Variants in HAUS8 observed in about 807,000 individuals in gnomAD.
HAUS8 encodes HAUS augmin like complex subunit 8.
In HAUS8, 38 loss-of-function variants were observed where a neutral mutation model predicts 42.9. The ratio of observed to expected loss-of-function variants is 0.89; its 90% confidence interval spans 0.68 to 1.16. The LOEUF (loss-of-function observed/expected upper bound fraction) is 1.16, where lower values mean the gene tolerates loss of function less well. Ranked by LOEUF, HAUS8 falls within the 50% of genes most tolerant of loss-of-function variation. The pLI is 0.00. For synonymous variants in HAUS8, 199 were observed against 205.8 expected (o/e 0.97, Z 0.28); for missense variants, 494 against 511.6 (o/e 0.97, Z 0.33).
In HAUS8 at chr19:17,058,558, C is replaced by T. The variant is rs767928687; in HGVS notation, c.636G>A (p.Leu212=). 35 of 1,598,582 alleles carry T rather than the reference C, an allele frequency of 2.2e-5. No homozygotes were observed. The highest frequency in any genetic ancestry group is 2.9e-5 in the Non-Finnish European group (34 of 1,174,754). ...SQRKRELADV[L]DAQIEMLSPF... is the part of the protein sequence containing the mutation. ...GTCACTTACAACTGACCTGGGCATC[C>T]AGGACATCTGCCAGCTCCCGCTTCC... is the stretch of plus-strand genomic sequence containing the variant. The change falls in exon 8 of 11, where the codon CTG becomes CTA. Residue 212 remains leucine (L), a synonymous_variant. Transcript: ENST00000253669.
chr19:17,064,134 G>A (rs1273990192), intron 3 of HAUS8, among the ~76,000 whole-genome samples: 3 of 152,074 alleles, frequency 2.0e-5, no homozygotes, highest in Non-Finnish European at 4.4e-5. Flanking sequence ...TTAAAATAGA[G>A]TACCATATAC....
At chr19:17,066,687 T>A (rs2057388867) in intron 3 of HAUS8, among the ~76,000 whole-genome samples, 1 of 152,206 alleles carries the variant, frequency 6.6e-6, no homozygotes, top group Non-Finnish European at 1.5e-5. Flanking sequence ...CTGTGTTGAC[T>A]GTTGTTGAGT....
Position 17,050,145 on chromosome 19 carries a change from C to G in HAUS8, c.961G>C (p.Glu321Gln). The G allele has an allele frequency of 2.6e-6, 4 of 1,540,718 alleles. No individual in the cohort carries two copies. The highest frequency in any genetic ancestry group is 3.5e-6 in the Non-Finnish European group (4 of 1,143,030). Residue 321 changes from glutamate (E) to glutamine (Q), a missense_variant, in exon 11 of 11, where the codon GAG becomes CAG. Coordinates refer to ENST00000253669, the MANE Select transcript of HAUS8 (RefSeq NM_033417.2). Reference sequence around the variant, plus strand: ...GCCAAGGCTGCCTCTTTGCTTGCCTCTGCGGAGAGTTCCAGCACCTGGGCA... The same window carrying G: ...GCCAAGGCTGCCTCTTTGCTTGCCTGTGCGGAGAGTTCCAGCACCTGGGCA... Reference protein sequence around the residue: ...SFAQVLELSAEASKEAALANQ... With the variant: ...SFAQVLELSAQASKEAALANQ...
At chr19:17,053,773 C>T (rs1210259576) in intron 9 of HAUS8, 1 of 151,912 alleles carries the variant, frequency 6.6e-6, no homozygotes, top group Non-Finnish European at 1.5e-5. Context: ...AGCGATTCTC[C>T]TGCCTCAGGA....
chr19:17,059,580 A>G lies in HAUS8; in HGVS notation c.397T>C (p.Ser133Pro), dbSNP rs935025425. 6.2e-7 allele frequency: 1 copy of G among 1,613,694 alleles called. No homozygotes were observed. Among genetic ancestry groups the G allele is most frequent in the African/African-American group, 1.3e-5 (1 of 74,902 alleles). Residue 133 changes from serine (S) to proline (P), a missense_variant, in exon 6 of 11, where the codon TCT becomes CCT. Coordinates refer to ENST00000253669, the MANE Select transcript of HAUS8 (RefSeq NM_033417.2). ...ISKKPESTSFSAPRKKSPDLS... is the reference protein window; with the variant it reads ...ISKKPESTSFPAPRKKSPDLS... ...ACCGGGCTCTTTTTCCGAGGGGCAG[A>G]AAATGATGTTGACTCAGGTTTCTTT... is the stretch of plus-strand genomic sequence containing the variant.
At chr19:17,067,622 C>T (rs1340981286) in intron 3 of HAUS8, among the ~76,000 whole-genome samples, 1 of 152,142 alleles carries the variant, frequency 6.6e-6, no homozygotes, top group Non-Finnish European at 1.5e-5. Flanking sequence ...CACGGGGGCG[C>T]TGTAACCAAG....
At chr19:17,052,657 T>A in intron 10 of HAUS8, 168 bp downstream of exon 10, 1 of 687,234 alleles carries the variant, frequency 1.5e-6, no homozygotes, top group Non-Finnish European at 2.5e-6. Context: ...CAATGACACC[T>A]GCTGGCCATT....
At chr19:17,057,682 C>T (rs1409286727) in intron 8 of HAUS8, among the ~76,000 whole-genome samples, 2 of 152,116 alleles carry the variant, frequency 1.3e-5, no homozygotes, top group Non-Finnish European at 1.5e-5. Context: ...TGCACGGGTG[C>T]TCACATGAAA....
At chr19:17,051,256 G>C (rs373481010) in intron 10 of HAUS8, among the ~76,000 whole-genome samples, 2 of 152,208 alleles carry the variant, frequency 1.3e-5, no homozygotes, top group South Asian at 2.1e-4. Context: ...TGGGTGGCTG[G>C]CTGTTTTGCA....
chr19:17,068,060 C>CCATAGTTT (rs1342365356), intron 3 of HAUS8, among the ~76,000 whole-genome samples: 3 of 151,332 alleles, frequency 2.0e-5, no homozygotes, highest in African/African-American at 4.9e-5. Context: ...GTCATTTTTC[C>CCATAGTTT]CATAGTTTTT....
chr19:17,064,454 T>C (rs1428507739), intron 3 of HAUS8, among the ~76,000 whole-genome samples: 1 of 152,236 alleles, frequency 6.6e-6, no homozygotes, highest in Non-Finnish European at 1.5e-5. Context: ...GGTCTCACAT[T>C]ACCTGTTCTC....
intron 2 of HAUS8, 112 bp downstream of exon 2, chr19:17,073,162 A>G: frequency 1.1e-6 from 1 of 913,736 alleles, no homozygotes; most frequent in East Asian, 2.5e-5. Flanking sequence ...AGGTGTGACT[A>G]CAAGGAAGTA....
chr19:17,052,981 G>A lies in HAUS8; in HGVS notation c.788-15C>T, dbSNP rs751664316. On this transcript the variant is annotated splice_polypyrimidine_tract_variant and intron_variant, in intron 9 of 10. Coordinates refer to ENST00000253669, the MANE Select transcript of HAUS8 (RefSeq NM_033417.2). The stretch of plus-strand genomic sequence containing the variant: ...CTGCAGGGCGTCTGGAGGGGAAGAG[G>A]GATGGTGGGCGATGGATGGCAAGGT... 3.7e-6 allele frequency: 6 copies of A among 1,614,006 alleles called. No individual in the cohort carries two copies. Among genetic ancestry groups the A allele is most frequent in the Non-Finnish European group, 5.1e-6 (6 of 1,179,896 alleles).
chr19:17,068,535 G>A (rs926796662), intron 3 of HAUS8, among the ~76,000 whole-genome samples: 3 of 152,204 alleles, frequency 2.0e-5, no homozygotes, highest in Non-Finnish European at 4.4e-5. Flanking sequence ...GGGAGGCCGA[G>A]GCGGGAGCAT....
intron 2 of HAUS8, among the ~76,000 whole-genome samples, chr19:17,072,364 G>A (rs1356637307): frequency 1.1e-5 from 1 of 91,706 alleles, no homozygotes; most frequent in Non-Finnish European, 2.0e-5. Flanking sequence ...TTTTTTTTGA[G>A]ATGGAGTTTC....
At chr19:17,056,767 T>C (rs2057329413) in intron 8 of HAUS8, among the ~76,000 whole-genome samples, 1 of 152,062 alleles carries the variant, frequency 6.6e-6, no homozygotes, top group Non-Finnish European at 1.5e-5. Flanking sequence ...TTTTTTGTAT[T>C]TTTAGTAGAG....
At chr19:17,060,744 C>T (rs2057355373) in intron 4 of HAUS8, among the ~76,000 whole-genome samples, 1 of 152,182 alleles carries the variant, frequency 6.6e-6, no homozygotes, top group South Asian at 2.1e-4. Context: ...AGCTTCTGGA[C>T]TGTTCATCCT....
At chr19:17,056,190 G>A (rs1181961855) in intron 8 of HAUS8, among the ~76,000 whole-genome samples, 188 bp from the exon 9 acceptor site, 2 of 152,160 alleles carry the variant, frequency 1.3e-5, no homozygotes, top group South Asian at 2.1e-4. Flanking sequence ...ATGGCAAGGC[G>A]GCCCAGGCCC....
At chr19:17,062,801 C>T in intron 3 of HAUS8, 22 bp from the exon 4 acceptor site, 2 of 1,569,668 alleles carry the variant, frequency 1.3e-6, no homozygotes, top group Non-Finnish European at 1.8e-6. Context: ...ACACATGACA[C>T]TCAGAGGACA....
Sources: allele counts gnomAD v4.1 joint callset (sites outside exome capture counted in the v4.1 genomes callset), GRCh38; gene constraint gnomAD v4.1.1; transcripts MANE v1.5; gene names NCBI Gene and HGNC (gene_info 2026-07-23, HGNC 2026-07-21).